CHD6: variants seen among roughly 807,000 people sequenced by gnomAD.
CHD6 encodes the protein ATP-dependent chromatin remodeler CHD6.
Under a neutral mutation model 276.9 loss-of-function variants are expected in CHD6, and 50 were observed. The ratio of observed to expected loss-of-function variants is 0.18; its 90% confidence interval spans 0.14 to 0.23. The LOEUF is 0.23. Among genes scored for constraint, CHD6 ranks in the 10% least tolerant of loss-of-function variants. The pLI is 1.00. For synonymous variants in CHD6, 1,173 were observed against 1,229.3 expected (o/e 0.95, Z 0.96); for missense variants, 2,564 against 3,365.8 (o/e 0.76, Z 5.89).
intron 5 of CHD6, among the ~76,000 whole-genome samples, chr20:41,503,991 T>C (rs1201955419): frequency 6.8e-6 from 1 of 147,228 alleles, no homozygotes; most frequent in African/African-American, 2.6e-5. Context: ...GGAAAGAGAA[T>C]TGCTTGAGCC....
In CHD6 at chr20:41,402,674, C is replaced by T. The variant is rs977662758; in HGVS notation, c.*1919G>A. 5 of 216,196 alleles carry T rather than the reference C, an allele frequency of 2.3e-5. No homozygotes were observed. The highest frequency in any genetic ancestry group is 1.1e-4 in the African/African-American group (5 of 44,330). The allele number at this position is 216,196 out of a possible 1,614,324, so 13.4% of individuals were successfully genotyped here. ...CTACTTGATAAAAAGAAAATTAGTA[C>T]TTAAAAGGTTCAAAAATATATTGAT... On this transcript the variant is annotated 3_prime_UTR_variant, in exon 37 of 37. Transcript: ENST00000373233.
At chr20:41,480,403 CA>C (rs2043268522) in intron 16 of CHD6, among the ~76,000 whole-genome samples, 1 of 152,062 alleles carries the variant, frequency 6.6e-6, no homozygotes, top group East Asian at 1.9e-4. Context: ...AATAAGCAAT[CA>C]AAAAGATAAT....
At chr20:41,543,053 A>C (rs930173655) in intron 2 of CHD6, among the ~76,000 whole-genome samples, 2 of 150,896 alleles carry the variant, frequency 1.3e-5, no homozygotes, top group East Asian at 3.9e-4. Context: ...GCGGTGAGCC[A>C]AGATTGCGCC....
At chr20:41,534,901 C>G (rs2044791858) in intron 2 of CHD6, among the ~76,000 whole-genome samples, 1 of 152,108 alleles carries the variant, frequency 6.6e-6, no homozygotes, top group South Asian at 2.1e-4. Flanking sequence ...AGAAATCCAG[C>G]AGTGAGGTGA....
intron 35 of CHD6, among the ~76,000 whole-genome samples, chr20:41,412,839 G>A (rs742434): frequency 0.34 from 51,899 of 152,062 alleles, 9,290 homozygotes; most frequent in African/African-American, 0.45. Context: ...TGAAGGGAAT[G>A]TCCTAAAGCA....
rs2043113660 is a variant in CHD6, at chr20:41,473,871, A to G, written c.2469-354T>C. Among the ~76,000 whole-genome samples the G allele has an allele frequency of 6.6e-6, 1 of 152,254 alleles. No individual in the cohort carries two copies. The highest frequency in any genetic ancestry group is 6.5e-5 in the Admixed American group (1 of 15,280). ...GTATTCCCAGTTTATACTTAAATTT[A>G]AGCATAAGACCAGGAAAAACAAACA... On this transcript the variant is annotated intron_variant, in intron 16 of 36. Coordinates refer to ENST00000373233, the MANE Select transcript of CHD6 (RefSeq NM_032221.5). The surrounding 1 kb of genome is among the most constrained non-coding windows in gnomAD (Gnocchi z 4.1).
At chr20:41,550,455 CA>C (rs1414654601) in intron 2 of CHD6, among the ~76,000 whole-genome samples, 1 of 152,116 alleles carries the variant, frequency 6.6e-6, no homozygotes, top group East Asian at 1.9e-4. Flanking sequence ...GAGGACAGAC[CA>C]GGGGGTAGTC....
intron 16 of CHD6, among the ~76,000 whole-genome samples, chr20:41,476,494 T>A (rs764458431): frequency 5.6e-4 from 85 of 151,846 alleles, no homozygotes; most frequent in Non-Finnish European, 1.2e-3. Context: ...AGAGTTAATT[T>A]AAAAAAAGAA....
rs140639933 is a variant in CHD6 at position 41,544,112 on chromosome 20, C to T, written c.33+7193G>A. On this transcript the variant is annotated intron_variant, in intron 2 of 36. Transcript: ENST00000373233. ...AAAATCAGCCAGGCGTGGTGGCGGG[C>T]GCCTGTAATCCCAGCTACTCAAGAG... is the stretch of plus-strand genomic sequence containing the variant. 7.6e-3 allele frequency among the ~76,000 whole-genome samples: 1,161 copies of T among 152,058 alleles called. 8 individuals are homozygous for T. The highest frequency in any genetic ancestry group is 0.012 in the Non-Finnish European group (784 of 67,976).
At chr20:41,564,816 G>A (rs1422301370) in intron 1 of CHD6, among the ~76,000 whole-genome samples, 1 of 152,220 alleles carries the variant, frequency 6.6e-6, no homozygotes, top group Non-Finnish European at 1.5e-5. Context: ...GAAGTTTGGG[G>A]CTGGAGATAA....
intron 25 of CHD6, among the ~76,000 whole-genome samples, chr20:41,441,715 G>A (rs1315407647): frequency 6.6e-6 from 1 of 152,190 alleles, no homozygotes; most frequent in African/African-American, 2.4e-5. Flanking sequence ...AGCTGGAGGT[G>A]AGGAAGAATG....
Position 41,473,243 on chromosome 20 carries a change from C to T in CHD6, c.2664+79G>A. Reference sequence around the variant, plus strand: ...CATAGCATAGAGCATCACGGATGCTCTGTAGCCAAGCCAGGCCCTATCATG... The same window carrying T: ...CATAGCATAGAGCATCACGGATGCTTTGTAGCCAAGCCAGGCCCTATCATG... On this transcript the variant is annotated intron_variant, in intron 17 of 36. Transcript: ENST00000373233. This position sits in a 1 kb window ranked among gnomAD's most constrained non-coding sequence, Gnocchi z 4.1. The T allele has an allele frequency of 7.1e-7, 1 of 1,413,102 alleles. No homozygotes were observed. The highest frequency in any genetic ancestry group is 1.8e-5 in the Admixed American group (1 of 55,438). 87.5% of individuals were successfully genotyped at this position (1,413,102 alleles called of 1,614,324 possible).
At chr20:41,471,449 AATCACTGGTTTTCTTTGAG>A (rs1357196189) in intron 17 of CHD6, among the ~76,000 whole-genome samples, 10 of 152,308 alleles carry the variant, frequency 6.6e-5, no homozygotes, top group Admixed American at 1.3e-4. Flanking sequence ...AGCTAGTTAT[AATCACTGGTTTTCTTTGAG>A]ATCACTGGTT....
rs980174030 is a variant in CHD6 at position 41,554,530 on chromosome 20, C to T, written c.-23-3170G>A. Among the ~76,000 whole-genome samples, 14 of 151,490 alleles carry T rather than the reference C, an allele frequency of 9.2e-5. No individual in the cohort carries two copies. In the East Asian group the frequency reaches 2.7e-3, roughly 29 times the overall value. On this transcript the variant is annotated intron_variant, in intron 1 of 36. Transcript: ENST00000373233. ...GTCTCTGGTTTTCCTAGGCAGAGGA[C>T]CCTGCGGCCTTCCGCAGTGTTTGTG...
chr20:41,487,477 G>A (rs1439841891), intron 14 of CHD6, among the ~76,000 whole-genome samples, 188 bp downstream of exon 14: 1 of 152,076 alleles, frequency 6.6e-6, no homozygotes, highest in Non-Finnish European at 1.5e-5. Context: ...CTATCCTCTG[G>A]GGCAATAAGA....
intron 18 of CHD6, among the ~76,000 whole-genome samples, chr20:41,457,012 T>C (rs1349823320): frequency 6.6e-6 from 1 of 152,204 alleles, no homozygotes; most frequent in Non-Finnish European, 1.5e-5. Context: ...TTAAAAACTC[T>C]GTTTACTGAA....
intron 3 of CHD6, among the ~76,000 whole-genome samples, chr20:41,528,652 C>T (rs2146045085): frequency 6.6e-6 from 1 of 152,104 alleles, no homozygotes; most frequent in South Asian, 2.1e-4. Context: ...GAGACCCCAT[C>T]TCTAAAAAAA....
At chr20:41,607,624 A>C (rs1309861736) in intron 1 of CHD6, among the ~76,000 whole-genome samples, 1 of 152,188 alleles carries the variant, frequency 6.6e-6, no homozygotes, top group Admixed American at 6.5e-5. Context: ...GATTGCTTCA[A>C]GCTGATATGG....
At chr20:41,610,552 G>C (rs888902554) in intron 1 of CHD6, among the ~76,000 whole-genome samples, 2 of 152,096 alleles carry the variant, frequency 1.3e-5, no homozygotes, top group African/African-American at 4.8e-5. Context: ...ACAAGGTCAG[G>C]AGATCGAGAC....
Sources: allele counts gnomAD v4.1 joint callset (sites outside exome capture counted in the v4.1 genomes callset), GRCh38; gene constraint gnomAD v4.1.1; non-coding constraint Gnocchi (gnomAD v3.1); transcripts MANE v1.5; gene names NCBI Gene and HGNC (gene_info 2026-07-23, HGNC 2026-07-21).